The following NID1 variants were observed in gnomAD, a reference collection of about 807,000 sequenced individuals.
NID1 encodes the protein nidogen-1.
Under a neutral mutation model 130.6 loss-of-function variants are expected in NID1, and 76 were observed. The observed-to-expected ratio is 0.58, with a 90% CI of 0.48 to 0.70. The LOEUF is 0.70. Among genes scored for constraint, NID1 ranks in the 30% least tolerant of loss-of-function variants. The probability of loss-of-function intolerance (pLI) is 0.00; values close to 1 mark genes in which losing one functional copy is unlikely to be tolerated. For missense variants in NID1, 1,517 were observed against 1,664.8 expected, an observed-to-expected ratio of 0.91 and a Z score of 1.54; for synonymous variants, 665 against 675.1, an observed-to-expected ratio of 0.98 and a Z score of 0.23.
intron 12 of NID1, among the ~76,000 whole-genome samples, chr1:236,002,679 G>A (rs191926414): frequency 2.4e-4 from 37 of 152,258 alleles, no homozygotes; most frequent in Middle Eastern, 6.8e-3. Flanking sequence ...TGGTGAGGAC[G>A]GTTGCCTTTG....
At chr1:236,008,124 T>A (rs948550877) in intron 12 of NID1, among the ~76,000 whole-genome samples, 8 of 152,226 alleles carry the variant, frequency 5.3e-5, no homozygotes, top group Non-Finnish European at 8.8e-5. Context: ...CTACTACATA[T>A]ATTCTCCTCA....
At chr1:235,990,028 C>A (rs2102798277) in intron 14 of NID1, among the ~76,000 whole-genome samples, 1 of 152,302 alleles carries the variant, frequency 6.6e-6, no homozygotes, top group South Asian at 2.1e-4. Context: ...GAGCTTTGTG[C>A]AGGAAAAGGA....
At chr1:236,062,557 C>T (rs766186208) in intron 1 of NID1, among the ~76,000 whole-genome samples, 3 of 148,650 alleles carry the variant, frequency 2.0e-5, no homozygotes, top group Non-Finnish European at 4.4e-5. Flanking sequence ...TCTCTTGAAC[C>T]TGGGAGGCGG....
At position 235,991,037 on chromosome 1, in the gene NID1, G is replaced by A. The variant is rs1297851350; in HGVS notation, c.2777C>T (p.Pro926Leu). 6 of 1,602,770 alleles carry A rather than the reference G, an allele frequency of 3.7e-6. No homozygotes were observed. Among genetic ancestry groups the A allele is most frequent in the South Asian group, 1.1e-5 (1 of 89,022 alleles). The change falls in exon 14 of 20, where the codon CCG (proline) becomes CTG (leucine). Residue 926 changes from proline to leucine, a missense_variant. Pro to Leu is a moderately conservative substitution (Grantham distance 98). Around this residue, in one of 3 missense-constraint regions of NID1, gnomAD observed 1,329 missense variants for 1,429.2 expected, o/e 0.93. Coordinates refer to ENST00000264187, the MANE Select transcript of NID1 (RefSeq NM_002508.3). The stretch of plus-strand genomic sequence containing the variant: ...AGGCACCGCAGGTCCTTGGTGAATC[G>A]GGGGAGCCACTGTACTCAGACCTGC... ...TPPCLSTVAP[P>L]IHQGPAVPTA...
chr1:235,998,319 A>G (rs1253434453), intron 12 of NID1, among the ~76,000 whole-genome samples: 1 of 152,218 alleles, frequency 6.6e-6, no homozygotes, highest in Non-Finnish European at 1.5e-5. Flanking sequence ...TATAAAAAAC[A>G]AAACAAAACA....
chr1:236,020,047 A>AC lies in NID1; in HGVS notation c.2129-2775_2129-2774insG, dbSNP rs1431257648. ...GCAAGACTCTGCCTTAAAAAAAAAA[A>AC]AAAAAAAAAAACAAAAACAAACTTC... On this transcript the variant is annotated intron_variant, in intron 9 of 19. Transcript: ENST00000264187. 3.5e-4 allele frequency among the ~76,000 whole-genome samples: 48 copies of AC among 137,212 alleles called. 1 individual carries two copies. In the East Asian group the frequency reaches 7.0e-3, roughly 20 times the overall value. 90.0% of individuals were successfully genotyped at this position (137,212 alleles called of 152,430 possible). A position where few individuals can be genotyped will look rare whatever the true frequency, so the allele number is the denominator to read the frequency against.
intron 1 of NID1, among the ~76,000 whole-genome samples, chr1:236,054,103 A>C (rs1188215127): frequency 6.6e-6 from 1 of 152,210 alleles, no homozygotes; most frequent in Non-Finnish European, 1.5e-5. Flanking sequence ...TTTCTTGAAC[A>C]AATAAATTTT....
At chr1:236,046,603 G>A (rs911638862) in intron 2 of NID1, among the ~76,000 whole-genome samples, 43 of 151,332 alleles carry the variant, frequency 2.8e-4, no homozygotes, top group African/African-American at 1.0e-3. Flanking sequence ...AAGATACTGC[G>A]GATAAAAAAA....
At chr1:235,992,991 G>A (rs1304742540) in intron 13 of NID1, among the ~76,000 whole-genome samples, 1 of 152,204 alleles carries the variant, frequency 6.6e-6, no homozygotes, top group Non-Finnish European at 1.5e-5. Flanking sequence ...GGACGCTGAG[G>A]CTGGGGAAAG....
rs1250791593 is a variant in NID1 at position 236,041,951 on chromosome 1, G to C, written c.1094C>G (p.Pro365Arg). 1.2e-6 allele frequency: 2 copies of C among 1,613,906 alleles called. No homozygotes were observed. The highest frequency in any genetic ancestry group is 2.2e-5 in the South Asian group (2 of 91,028). ...LAVETFHQQH[P>R]QVIDVDEVEE... Reference sequence around the variant, plus strand: ...AACTTCATCCACATCTATGACCTGAGGGTGCTGCTGGTGAAAAGTCTCCAC... The same window carrying C: ...AACTTCATCCACATCTATGACCTGACGGTGCTGCTGGTGAAAAGTCTCCAC... The change falls in exon 4 of 20, where the codon CCT becomes CGT. Residue 365 changes from proline to arginine, a missense_variant. Physicochemically the swap from Pro to Arg is moderately radical, Grantham distance 103. Coordinates refer to ENST00000264187, the MANE Select transcript of NID1 (RefSeq NM_002508.3).
At chr1:236,026,635 G>A (rs1464551435) in intron 7 of NID1, among the ~76,000 whole-genome samples, 2 of 152,112 alleles carry the variant, frequency 1.3e-5, no homozygotes, top group African/African-American at 4.8e-5. Context: ...AATAGTATTA[G>A]TAAGATAAAC....
chr1:236,004,147 A>C (rs1658171351), intron 12 of NID1, among the ~76,000 whole-genome samples: 1 of 152,114 alleles, frequency 6.6e-6, no homozygotes, highest in African/African-American at 2.4e-5. Flanking sequence ...GTGGGGAAAG[A>C]AGCTGACTGC....
chr1:236,037,175 G>A (rs886739229), intron 5 of NID1, among the ~76,000 whole-genome samples: 8 of 152,188 alleles, frequency 5.3e-5, no homozygotes, highest in African/African-American at 1.9e-4. Context: ...GCCCATAGCC[G>A]AATCCATTTG....
chr1:235,991,460 G>A (rs1387335749), intron 13 of NID1, among the ~76,000 whole-genome samples: 2 of 152,136 alleles, frequency 1.3e-5, no homozygotes, highest in East Asian at 3.9e-4. Flanking sequence ...AGCCTCCTGA[G>A]TAACTGGGAT....
chr1:236,033,851 GT>G (rs1659168860), intron 5 of NID1, among the ~76,000 whole-genome samples: 1 of 151,816 alleles, frequency 6.6e-6, no homozygotes, highest in South Asian at 2.1e-4. Flanking sequence ...ATTTATTATT[GT>G]TTAAACAGGA....
intron 3 of NID1, among the ~76,000 whole-genome samples, chr1:236,044,511 G>A (rs1056277670): frequency 3.9e-5 from 6 of 152,080 alleles, no homozygotes; most frequent in Non-Finnish European, 7.3e-5. Flanking sequence ...CTTGGCCATC[G>A]TAGGAGTATT....
intron 11 of NID1, among the ~76,000 whole-genome samples, chr1:236,012,572 A>AG (rs765846575): frequency 2.2e-5 from 3 of 137,366 alleles, no homozygotes; most frequent in Non-Finnish European, 4.9e-5. Flanking sequence ...AAAAAAAAAA[A>AG]AAAAAAAAAG....
At position 236,042,199 on chromosome 1, in the gene NID1, T is replaced by C; in HGVS notation, c.846A>G (p.Gly282=). The C allele has an allele frequency of 6.2e-7, 1 of 1,613,640 alleles. No individual in the cohort carries two copies. The highest frequency in any genetic ancestry group is 8.5e-7 in the Non-Finnish European group (1 of 1,179,998). Residue 282 remains glycine (G), a synonymous_variant, in exon 4 of 20, where the codon GGA becomes GGG. Coordinates refer to ENST00000264187, the MANE Select transcript of NID1 (RefSeq NM_002508.3). ...CATCATACTCTGCCCCATCTTCAGT[T>C]CCGAGGATCACGTCTGCAGGCACCA... ...NGVVPADVIL[G]TEDGAEYDDE...
chr1:235,980,259 G>C (rs1657398136), intron 17 of NID1, among the ~76,000 whole-genome samples: 1 of 152,190 alleles, frequency 6.6e-6, no homozygotes, highest in African/African-American at 2.4e-5. Context: ...GCACCAGATA[G>C]TAAATTATTT....
Sources: gnomAD v4.1 joint callset for allele counts (sites outside exome capture counted in the v4.1 genomes callset) on GRCh38, gnomAD v4.1.1 for gene constraint, gnomAD v4.1.1 regional missense constraint, MANE v1.5 for transcripts, NCBI Gene and HGNC (gene_info 2026-07-23, HGNC 2026-07-21) for gene names.